ZNF532: variants seen among roughly 807,000 people sequenced by gnomAD.
ZNF532 encodes zinc finger protein 532.
A neutral mutation model predicts 89.3 loss-of-function variants in ZNF532; 22 were observed. The ratio of observed to expected loss-of-function variants is 0.25; its 90% confidence interval spans 0.18 to 0.35. ZNF532 has a LOEUF of 0.35. Among genes scored for constraint, ZNF532 ranks in the 10% least tolerant of loss-of-function variants. ZNF532 has a pLI of 1.00. For missense variants in ZNF532, 1,132 were observed against 1,643.4 expected, an observed-to-expected ratio of 0.69 and a Z score of 5.38; for synonymous variants, 606 against 649.6, an observed-to-expected ratio of 0.93 and a Z score of 1.02.
intron 5 of ZNF532, among the ~76,000 whole-genome samples, chr18:58,941,385 T>A (rs1202648289): frequency 6.6e-6 from 1 of 152,114 alleles, no homozygotes; most frequent in Non-Finnish European, 1.5e-5. Flanking sequence ...AAGCAAATGA[T>A]TAAAATAGGC....
chr18:58,888,778 T>C (rs2058568801), intron 2 of ZNF532, among the ~76,000 whole-genome samples: 1 of 56,874 alleles, frequency 1.8e-5, no homozygotes, highest in Non-Finnish European at 2.7e-5. Flanking sequence ...ATAATTTATA[T>C]ATATATAAAA....
intron 5 of ZNF532, among the ~76,000 whole-genome samples, chr18:58,941,972 C>CCTCCT (rs1568379870): frequency 1.1e-4 from 14 of 129,616 alleles, no homozygotes; most frequent in South Asian, 5.7e-4. Flanking sequence ...CTCTCCCTCC[C>CCTCCT]TCCCTCCTTC....
At chr18:58,904,562 A>C (rs993994502) in intron 2 of ZNF532, among the ~76,000 whole-genome samples, 10 of 152,104 alleles carry the variant, frequency 6.6e-5, no homozygotes, top group Non-Finnish European at 1.5e-4. Context: ...TACCTGAAGG[A>C]TGGAGAGAGA....
At position 58,918,826 on chromosome 18, in the gene ZNF532, G is replaced by T; in HGVS notation, c.539G>T (p.Gly180Val). Residue 180 changes from glycine (G) to valine (V), a missense_variant, in exon 3 of 10, where the codon GGA (glycine) becomes GTA (valine). Around this residue, in one of 9 missense-constraint regions of ZNF532, gnomAD observed 302 missense variants for 319.8 expected, o/e 0.94. Transcript: ENST00000591808. ...QQDYDKLKAL[G>V]GENSSKTGLS... ...GACTACGATAAGCTGAAGGCACTCG[G>T]AGGGGAAAACTCCAGCAAAACTGGA... 6.2e-7 allele frequency: 1 copy of T among 1,614,180 alleles called. No individual in the cohort carries two copies. Among genetic ancestry groups the T allele is most frequent in the Non-Finnish European group, 8.5e-7 (1 of 1,180,044 alleles).
At chr18:58,892,296 T>G (rs2058957027) in intron 2 of ZNF532, among the ~76,000 whole-genome samples, 1 of 152,258 alleles carries the variant, frequency 6.6e-6, no homozygotes, top group Non-Finnish European at 1.5e-5. Context: ...CTTTAAACTC[T>G]CTTTGGAGAA....
intron 5 of ZNF532, among the ~76,000 whole-genome samples, chr18:58,943,682 C>T (rs1010328308): frequency 4.6e-5 from 7 of 152,162 alleles, no homozygotes; most frequent in East Asian, 3.9e-4. Context: ...AGGAGGGTCT[C>T]GATCTCTTTA....
In ZNF532 at chr18:58,951,900, C is replaced by T. The variant is rs539210701; in HGVS notation, c.2869-1618C>T. 7.2e-5 allele frequency among the ~76,000 whole-genome samples: 11 copies of T among 152,220 alleles called. No individual in the cohort carries two copies. The East Asian group carries it at 1.2e-3, about 16-fold the overall frequency. On this transcript the variant is annotated intron_variant, in intron 6 of 9. Coordinates refer to ENST00000591808, the MANE Select transcript of ZNF532 (RefSeq NM_001375912.1). ...TCCTGACCTCGTGATCCACCTGCCT[C>T]GGCCTCCCAAAGTGCTGGGATTACA...
At chr18:58,972,451 G>C (rs1370322434) in intron 7 of ZNF532, among the ~76,000 whole-genome samples, 1 of 152,136 alleles carries the variant, frequency 6.6e-6, no homozygotes, top group African/African-American at 2.4e-5. Context: ...CTTTGATAAA[G>C]AAATAAGAAA....
intron 2 of ZNF532, among the ~76,000 whole-genome samples, chr18:58,893,078 A>G (rs1189444379): frequency 6.7e-6 from 1 of 149,730 alleles, no homozygotes; most frequent in Non-Finnish European, 1.5e-5. Flanking sequence ...CCCTCCCAGG[A>G]CCAAGCGATT....
At chr18:58,981,749 A>C in intron 9 of ZNF532, 132 bp downstream of exon 9, 24 of 1,197,664 alleles carry the variant, frequency 2.0e-5, no homozygotes, top group Non-Finnish European at 2.4e-5. Context: ...GCGGTGGCTC[A>C]TGCCCACCAC....
At chr18:58,874,578 C>T (rs181516324) in intron 2 of ZNF532, among the ~76,000 whole-genome samples, 1 of 152,020 alleles carries the variant, frequency 6.6e-6, no homozygotes, top group African/African-American at 2.4e-5. Flanking sequence ...TGACCTCAGG[C>T]GATCCACCCG....
At position 58,971,787 on chromosome 18, in the gene ZNF532, G is replaced by A. The variant is rs113049251; in HGVS notation, c.3151-7268G>A. Among the ~76,000 whole-genome samples, 281 of 152,282 alleles carry A rather than the reference G, an allele frequency of 1.8e-3. 3 individuals are homozygous for A. Among genetic ancestry groups the A allele is most frequent in the African/African-American group, 6.5e-3 (268 of 41,548 alleles). On this transcript the variant is annotated intron_variant, in intron 7 of 9. Transcript: ENST00000591808. ...GACTGCCTTCAATAGTTTATACAAAGGAAATAATTGATTATGGAAATTTGT... is the reference window on the plus strand; with the variant it reads ...GACTGCCTTCAATAGTTTATACAAAAGAAATAATTGATTATGGAAATTTGT...
chr18:58,939,401 G>A (rs1369144949), intron 4 of ZNF532, 44 bp from the exon 5 acceptor site: 21 of 1,564,636 alleles, frequency 1.3e-5, no homozygotes, highest in Non-Finnish European at 1.8e-5. Flanking sequence ...TTACACGTGT[G>A]TTATGGTCTT....
intron 5 of ZNF532, among the ~76,000 whole-genome samples, chr18:58,942,045 C>T (rs572380448): frequency 6.9e-6 from 1 of 145,448 alleles, no homozygotes; most frequent in African/African-American, 2.6e-5. Context: ...CCGCCCCCCC[C>T]TCAGTCTCGC....
Position 58,953,768 on chromosome 18 carries a change from A to G in ZNF532, c.3119A>G (p.Tyr1040Cys). The stretch of plus-strand genomic sequence containing the variant: ...TGCCTGTTCATGCAGAGAGATGTGT[A>G]CATATCCCACGTGAGGAAGGAGCAC... ...CDCLFMQRDVYISHVRKEHGK... is the reference protein window; with the variant it reads ...CDCLFMQRDVCISHVRKEHGK... Residue 1040 changes from tyrosine (Y) to cysteine (C), a missense_variant, in exon 7 of 10, where the codon TAC (tyrosine) becomes TGC (cysteine). Around this residue, in one of 9 missense-constraint regions of ZNF532, gnomAD observed 415 missense variants for 604.8 expected, o/e 0.69. Transcript: ENST00000591808. 1 of 1,613,732 alleles carries G rather than the reference A, an allele frequency of 6.2e-7. No homozygotes were observed. The highest frequency in any genetic ancestry group is 8.5e-7 in the Non-Finnish European group (1 of 1,179,648).
At chr18:58,897,948 C>CT (rs2059355515) in intron 2 of ZNF532, among the ~76,000 whole-genome samples, 1 of 152,114 alleles carries the variant, frequency 6.6e-6, no homozygotes, top group African/African-American at 2.4e-5. Flanking sequence ...CAGTGGGACT[C>CT]TGTCTCAAAA....
chr18:58,920,062 A>G lies in ZNF532; in HGVS notation c.1775A>G (p.Asn592Ser), dbSNP rs770472672. ...TTCAACAAGGTGCTGAGCAGTGTCAATCCAGTCCCTGTTTACATCCCAAAC... is the reference window on the plus strand; with the variant it reads ...TTCAACAAGGTGCTGAGCAGTGTCAGTCCAGTCCCTGTTTACATCCCAAAC... ...EAFNKVLSSV[N>S]PVPVYIPNLS... Residue 592 changes from asparagine (N) to serine (S), a missense_variant, in exon 3 of 10, where the codon AAT (asparagine) becomes AGT (serine). Asn to Ser is a conservative substitution (Grantham distance 46). This residue lies in a region of ZNF532 where 70 missense variants were observed against 152.1 expected (regional missense o/e 0.46). Coordinates refer to ENST00000591808, the MANE Select transcript of ZNF532 (RefSeq NM_001375912.1). The G allele has an allele frequency of 6.2e-6, 10 of 1,613,806 alleles. No individual in the cohort carries two copies. The highest frequency in any genetic ancestry group is 1.1e-5 in the South Asian group (1 of 91,066).
intron 4 of ZNF532, among the ~76,000 whole-genome samples, chr18:58,936,486 C>A (rs1173435868): frequency 6.6e-6 from 1 of 152,166 alleles, no homozygotes; most frequent in Non-Finnish European, 1.5e-5. Context: ...TGATATCTTT[C>A]CTAAATTAAA....
chr18:58,882,873 T>C (rs368090109), intron 2 of ZNF532, among the ~76,000 whole-genome samples: 5 of 152,344 alleles, frequency 3.3e-5, no homozygotes, highest in East Asian at 1.9e-4. Flanking sequence ...AAGATTCACA[T>C]TGGAGGTTCA....
Sources: gnomAD v4.1 joint callset for allele counts (sites outside exome capture counted in the v4.1 genomes callset) on GRCh38, gnomAD v4.1.1 for gene constraint, gnomAD v4.1.1 regional missense constraint, MANE v1.5 for transcripts, NCBI Gene and HGNC (gene_info 2026-07-23, HGNC 2026-07-21) for gene names.